Variants in CARD10 observed in about 807,000 individuals in gnomAD.
The protein encoded by CARD10 is caspase recruitment domain family member 10.
CARD10 carries 49 observed loss-of-function variants against 114.6 expected under a neutral mutation model. That is an observed-to-expected ratio of 0.43 (90% confidence interval 0.34 to 0.54). The LOEUF is 0.54. Among genes scored for constraint, CARD10 ranks in the 20% least tolerant of loss-of-function variants. The probability of loss-of-function intolerance (pLI) is 0.03; values close to 1 mark genes in which losing one functional copy is unlikely to be tolerated. For missense variants in CARD10, 1,206 were observed against 1,397.2 expected, an observed-to-expected ratio of 0.86 and a Z score of 2.18; for synonymous variants, 602 against 593.2, an observed-to-expected ratio of 1.01 and a Z score of -0.21.
intron 3 of CARD10, chr22:37,511,801 A>G (rs915421157): frequency 3.9e-5 from 6 of 152,194 alleles, no homozygotes; most frequent in African/African-American, 1.4e-4. Context: ...GGAATTCCTA[A>G]CAAAGCCTCC....
intron 11 of CARD10, among the ~76,000 whole-genome samples, chr22:37,499,461 C>T (rs1049240734): frequency 2.0e-5 from 3 of 152,274 alleles, no homozygotes; most frequent in Middle Eastern, 3.4e-3. Context: ...CAGACCAGAG[C>T]CCAGTAAGCA....
rs895229309 is a variant in CARD10 at position 37,494,256 on chromosome 22, C to T, written c.2374-68G>A. 34 of 1,119,338 alleles carry T rather than the reference C, an allele frequency of 3.0e-5. No homozygotes were observed. In the Middle Eastern group the frequency reaches 8.4e-4, roughly 28 times the overall value. 69.3% of individuals were successfully genotyped at this position (1,119,338 alleles called of 1,614,324 possible). On this transcript the variant is annotated intron_variant, in intron 15 of 19. Coordinates refer to ENST00000251973, the MANE Select transcript of CARD10 (RefSeq NM_014550.4). The stretch of plus-strand genomic sequence containing the variant: ...CCGCCCCCTCAGGGAGAGGAGGAAA[C>T]GGGACCCCTGGCACAGCGGGCCCCA...
Position 37,491,333 on chromosome 22 carries a change from T to C in CARD10, c.2925A>G (p.Ser975=). ...DSELLRQCRG[S]EQVLWGLPCS... is the part of the protein sequence containing the mutation. ...AGGGCAGCCCCCAGAGCACCTGCTC[T>C]GAGCCACGGCACTGCCGCAGCAGCT... Residue 975 remains serine, a synonymous_variant, in exon 20 of 20, where the codon TCA becomes TCG. Transcript: ENST00000251973. The C allele has an allele frequency of 4.5e-6, 7 of 1,553,342 alleles. No individual in the cohort carries two copies. In the South Asian group the frequency reaches 8.2e-5, roughly 18 times the overall value.
Position 37,517,984 on chromosome 22 carries a change from G to A in CARD10, c.360C>T (p.Cys120=). Residue 120 remains cysteine (C), a synonymous_variant, in exon 2 of 20, where the codon TGC becomes TGT. Transcript: ENST00000251973. ...LLTGQEPAQR[C]SMILDEEGPE... The stretch of plus-strand genomic sequence containing the variant: ...AGATCCACTCACCGAGGATCATGGA[G>A]CAGCGCTGGGCGGGTTCCTGGCCCG... 6.2e-7 allele frequency: 1 copy of A among 1,613,736 alleles called. No homozygotes were observed. Among genetic ancestry groups the A allele is most frequent in the Non-Finnish European group, 8.5e-7 (1 of 1,179,826 alleles).
intron 3 of CARD10, among the ~76,000 whole-genome samples, chr22:37,511,431 A>G (rs1447171729): frequency 8.7e-6 from 1 of 115,440 alleles, no homozygotes; most frequent in Non-Finnish European, 1.7e-5. Context: ...GGGAGGGGGA[A>G]GAGGTAGAAG....
chr22:37,492,956 G>A lies in CARD10; in HGVS notation c.2477-154C>T, dbSNP rs1055509128. 7.9e-5 allele frequency among the ~76,000 whole-genome samples: 12 copies of A among 152,014 alleles called. No individual in the cohort carries two copies. The highest frequency in any genetic ancestry group is 2.1e-4 in the South Asian group (1 of 4,824). ...ACACACACACACCCTTAGTAGGACC[G>A]ACGGTGGCAGTAGGCTCCTCCCTGA... On this transcript the variant is annotated intron_variant, in intron 16 of 19. Coordinates refer to ENST00000251973, the MANE Select transcript of CARD10 (RefSeq NM_014550.4). This position sits in a 1 kb window ranked among gnomAD's most constrained non-coding sequence, Gnocchi z 5.7.
At chr22:37,495,650 C>A in intron 14 of CARD10, 64 bp from the exon 15 acceptor site, 3 of 1,611,100 alleles carry the variant, frequency 1.9e-6, no homozygotes, top group Non-Finnish European at 2.5e-6. Flanking sequence ...TCCTCGAACC[C>A]CCCGCCCTGT....
chr22:37,493,050 A>C (rs1922864896), intron 16 of CARD10, among the ~76,000 whole-genome samples: 1 of 152,116 alleles, frequency 6.6e-6, no homozygotes, highest in African/African-American at 2.4e-5. Flanking sequence ...TTAAAAAGCA[A>C]ATCAGATCAT....
chr22:37,490,999 G>T lies in CARD10; in HGVS notation c.*160C>A, dbSNP rs764205839. 1 of 624,160 alleles carries T rather than the reference G, an allele frequency of 1.6e-6. No homozygotes were observed. The highest frequency in any genetic ancestry group is 2.8e-6 in the Non-Finnish European group (1 of 359,648). The allele number at this position is 624,160 out of a possible 1,614,324, so 38.7% of individuals were successfully genotyped here. A position where few individuals can be genotyped will look rare whatever the true frequency, so the allele number is the denominator to read the frequency against. ...CTGTCCCGGGACTCCCATAGGCTCGGCAGGGCCAGAGACAGCCTTGGGGGT... is the reference window on the plus strand; with the variant it reads ...CTGTCCCGGGACTCCCATAGGCTCGTCAGGGCCAGAGACAGCCTTGGGGGT... On this transcript the variant is annotated 3_prime_UTR_variant, in exon 20 of 20. Transcript: ENST00000251973.
chr22:37,513,817 C>G (rs771354398), intron 3 of CARD10, among the ~76,000 whole-genome samples: 2 of 152,026 alleles, frequency 1.3e-5, no homozygotes, highest in Admixed American at 1.3e-4. Flanking sequence ...TCCTTCAATC[C>G]GGCTGAACAC....
Position 37,516,063 on chromosome 22 carries a change from C to G in CARD10, c.609G>C (p.Lys203Asn). 6.2e-7 allele frequency: 1 copy of G among 1,600,756 alleles called. No individual in the cohort carries two copies. The highest frequency in any genetic ancestry group is 2.3e-5 in the East Asian group (1 of 44,392). The change falls in exon 3 of 20, where the codon AAG becomes AAC. Residue 203 changes from lysine to asparagine, a missense_variant. By Grantham distance (94) the Lys-to-Asn change is moderately conservative. Around this residue, in one of 2 missense-constraint regions of CARD10, gnomAD observed 1,068 missense variants for 1,179.1 expected, o/e 0.91. Coordinates refer to ENST00000251973, the MANE Select transcript of CARD10 (RefSeq NM_014550.4). ...EAGSLELLRL[K>N]DENYMIAMRL... Reference sequence around the variant, plus strand: ...GCATGGCGATCATGTAGTTCTCATCCTTGAGCCGCAGCAGCTCCAGGCTGC... The same window carrying G: ...GCATGGCGATCATGTAGTTCTCATCGTTGAGCCGCAGCAGCTCCAGGCTGC...
In CARD10 at chr22:37,491,770, T is replaced by C; in HGVS notation, c.2849A>G (p.Asn950Ser). ...CCCACCTCACCTGACTTCCCGGACATTCTTCTCAGTCACCTCCACGTGGAT... is the reference window on the plus strand; with the variant it reads ...CCCACCTCACCTGACTTCCCGGACACTCTTCTCAGTCACCTCCACGTGGAT... The part of the protein sequence containing the change: ...IVIHVEVTEK[N>S]VREVRGLLGR... The change falls in exon 19 of 20, where the codon AAT (asparagine) becomes AGT (serine). Residue 950 changes from asparagine (N) to serine (S), a missense_variant. This residue lies in a region of CARD10 where 1,068 missense variants were observed against 1,179.1 expected (regional missense o/e 0.91). Coordinates refer to ENST00000251973, the MANE Select transcript of CARD10 (RefSeq NM_014550.4). 1 of 699,682 alleles carries C rather than the reference T, an allele frequency of 1.4e-6. No homozygotes were observed. The highest frequency in any genetic ancestry group is 2.4e-6 in the Non-Finnish European group (1 of 423,780). 43.3% of individuals were successfully genotyped at this position (699,682 alleles called of 1,614,324 possible). A position where few individuals can be genotyped will look rare whatever the true frequency, so the allele number is the denominator to read the frequency against.
At chr22:37,502,865 C>T (rs1923266625) in intron 10 of CARD10, 140 bp from the exon 11 acceptor site, 2 of 1,013,188 alleles carry the variant, frequency 2.0e-6, no homozygotes, top group African/African-American at 3.3e-5. Flanking sequence ...ACCCACTGGG[C>T]TCAGAGATAG....
At position 37,510,117 on chromosome 22, in the gene CARD10, C is replaced by G; in HGVS notation, c.909+95G>C. The G allele has an allele frequency of 2.9e-6, 3 of 1,024,806 alleles. 1 individual carries two copies. The highest frequency in any genetic ancestry group is 4.4e-6 in the Non-Finnish European group (3 of 685,298). 63.5% of individuals were successfully genotyped at this position (1,024,806 alleles called of 1,614,324 possible). A position where few individuals can be genotyped will look rare whatever the true frequency, so the allele number is the denominator to read the frequency against. On this transcript the variant is annotated intron_variant, in intron 4 of 19. Transcript: ENST00000251973. Reference sequence around the variant, plus strand: ...CTACCTGCTGCAGGCCTTCCTGATCCCCCACCCCGCAGCCTGTGCCCACAA... The same window carrying G: ...CTACCTGCTGCAGGCCTTCCTGATCGCCCACCCCGCAGCCTGTGCCCACAA...
At chr22:37,503,987 T>C in intron 9 of CARD10, 199 bp downstream of exon 9, 1 of 709,774 alleles carries the variant, frequency 1.4e-6, no homozygotes. Context: ...GCTCTGCCCA[T>C]CGGCCTTATC....
Position 37,516,230 on chromosome 22 carries a change from T to C in CARD10, c.442A>G (p.Lys148Glu). 1 of 1,604,986 alleles carries C rather than the reference T, an allele frequency of 6.2e-7. No homozygotes were observed. Among genetic ancestry groups the C allele is most frequent in the Non-Finnish European group, 8.5e-7 (1 of 1,176,966 alleles). The change falls in exon 3 of 20, where the codon AAG becomes GAG. Residue 148 changes from lysine (K) to glutamate (E), a missense_variant. Lys to Glu is a moderately conservative substitution (Grantham distance 56). Transcript: ENST00000251973. ...TGCTGCTCCCGCTGCAGCTGGCTCT[T>C]GCGAGCTTCCCGCAGCCGTCGCACC... ...TEVRRLREAR[K>E]SQLQREQQLQ...
intron 15 of CARD10, chr22:37,494,420 A>G (rs1374996412): frequency 7.0e-6 from 4 of 574,182 alleles, no homozygotes; most frequent in Non-Finnish European, 6.2e-6. Flanking sequence ...GCCCCCGGGA[A>G]GCCAGCCCGT....
intron 7 of CARD10, among the ~76,000 whole-genome samples, chr22:37,505,393 A>G (rs1218793275): frequency 6.6e-6 from 1 of 152,050 alleles, no homozygotes; most frequent in Non-Finnish European, 1.5e-5. Context: ...AAGAAAACGC[A>G]GGCTGGGCGT....
Position 37,504,560 on chromosome 22 carries a change from C to T in CARD10, c.1518+75G>A, listed in dbSNP as rs542631528. The T allele has an allele frequency of 1.0e-5, 15 of 1,456,398 alleles. No homozygotes were observed. The South Asian group carries it at 2.3e-4, about 22-fold the overall frequency. The allele number at this position is 1,456,398 out of a possible 1,614,324, so 90.2% of individuals were successfully genotyped here. On this transcript the variant is annotated intron_variant, in intron 8 of 19. Transcript: ENST00000251973. ...GTCCTCACCTGTGAAATGGATCCTT[C>T]AGAAAGCACTCTCCACATTAGTAAT...
Sources: allele counts gnomAD v4.1 joint callset (sites outside exome capture counted in the v4.1 genomes callset), GRCh38; gene constraint gnomAD v4.1.1; regional missense constraint gnomAD v4.1.1; non-coding constraint Gnocchi (gnomAD v3.1); transcripts MANE v1.5; gene names NCBI Gene and HGNC (gene_info 2026-07-23, HGNC 2026-07-21).